ST3GAL3: variants seen among roughly 807,000 people sequenced by gnomAD.
ST3GAL3 encodes the protein ST3 beta-galactoside alpha-2,3-sialyltransferase 3.
In ST3GAL3, 21 loss-of-function variants were observed where a neutral mutation model predicts 50.1. The observed-to-expected ratio is 0.42, with a 90% CI of 0.30 to 0.60. The LOEUF is 0.60. Among genes scored for constraint, ST3GAL3 ranks in the 20% least tolerant of loss-of-function variants. The pLI, the probability that ST3GAL3 is intolerant of heterozygous loss-of-function variation, is 0.19. For synonymous variants in ST3GAL3, 183 were observed against 190.0 expected (o/e 0.96, Z 0.30); for missense variants, 353 against 489.4 (o/e 0.72, Z 2.63).
intron 5 of ST3GAL3, among the ~76,000 whole-genome samples, chr1:43,866,358 C>G (rs2071323377): frequency 6.6e-6 from 1 of 152,096 alleles, no homozygotes; most frequent in Non-Finnish European, 1.5e-5. Flanking sequence ...AGGCCGATCA[C>G]TTGAGCCCTG....
intron 5 of ST3GAL3, among the ~76,000 whole-genome samples, chr1:43,888,619 A>C (rs1295481656): frequency 1.3e-5 from 2 of 152,248 alleles, no homozygotes; most frequent in African/African-American, 2.4e-5. Context: ...AGATACGAAT[A>C]AAGTTTATAG....
intron 9 of ST3GAL3, among the ~76,000 whole-genome samples, chr1:43,908,162 A>G (rs2080137450): frequency 1.3e-5 from 2 of 152,300 alleles, no homozygotes; most frequent in South Asian, 4.1e-4. Flanking sequence ...TTTGCCTTCC[A>G]TATTCGACTC....
chr1:43,804,331 C>T (rs2059641470), intron 3 of ST3GAL3, among the ~76,000 whole-genome samples: 1 of 152,182 alleles, frequency 6.6e-6, no homozygotes, highest in Non-Finnish European at 1.5e-5. Context: ...ATGCCTATGC[C>T]TTCCTGATTG....
Position 43,821,348 on chromosome 1 carries a change from G to A in ST3GAL3, c.209+6415G>A, listed in dbSNP as rs537723937. On this transcript the variant is annotated intron_variant, in intron 4 of 11. Coordinates refer to ENST00000347631, the MANE Select transcript of ST3GAL3 (RefSeq NM_006279.5). ...AACCAGGGATCCCAAGGTCCATGAA[G>A]TATAGATGAAAGAGCAGCCTCCTTT... 2.0e-5 allele frequency among the ~76,000 whole-genome samples: 3 copies of A among 152,260 alleles called. No homozygotes were observed. In the South Asian group the frequency reaches 6.2e-4, roughly 32 times the overall value.
intron 11 of ST3GAL3, among the ~76,000 whole-genome samples, chr1:43,929,307 A>AT (rs1239788201): frequency 1.1e-3 from 44 of 41,552 alleles, no homozygotes; most frequent in South Asian, 3.9e-3. Flanking sequence ...AGTTTTAATT[A>AT]TTATTTTTTT....
At chr1:43,784,055 T>G (rs2056954424) in intron 2 of ST3GAL3, among the ~76,000 whole-genome samples, 1 of 152,166 alleles carries the variant, frequency 6.6e-6, no homozygotes, top group Non-Finnish European at 1.5e-5. Flanking sequence ...TGATTTTACC[T>G]TCCTGAAACC....
intron 11 of ST3GAL3, among the ~76,000 whole-genome samples, chr1:43,924,056 A>G (rs188549768): frequency 5.0e-4 from 76 of 152,232 alleles, no homozygotes; most frequent in Non-Finnish European, 2.1e-4. Context: ...GGACATAAAC[A>G]TTCAGTCTAC....
At chr1:43,930,081 C>A in intron 11 of ST3GAL3, 51 bp from the exon 12 acceptor site, 1 of 1,521,698 alleles carries the variant, frequency 6.6e-7, no homozygotes, top group Non-Finnish European at 9.1e-7. Context: ...CTGGAAGGGG[C>A]AGTAAAGGTT....
intron 2 of ST3GAL3, among the ~76,000 whole-genome samples, chr1:43,770,503 A>G (rs1477170339): frequency 2.0e-5 from 3 of 152,174 alleles, no homozygotes; most frequent in Non-Finnish European, 4.4e-5. Context: ...TAAAGGAGAA[A>G]AAGAAGCAAG....
At chr1:43,770,228 AGGGG>A (rs1694566160) in intron 2 of ST3GAL3, among the ~76,000 whole-genome samples, 1 of 54,368 alleles carries the variant, frequency 1.8e-5, no homozygotes. Context: ...AGGAGAGGGG[AGGGG>A]AGGAGAGGAG....
At chr1:43,742,629 A>G (rs1044774223) in intron 2 of ST3GAL3, among the ~76,000 whole-genome samples, 3 of 152,246 alleles carry the variant, frequency 2.0e-5, no homozygotes, top group African/African-American at 2.4e-5. Context: ...TATGGATAAG[A>G]TGGCCTCAGT....
At chr1:43,894,150 C>T (rs974771123) in intron 5 of ST3GAL3, 52 of 555,714 alleles carry the variant, frequency 9.4e-5, no homozygotes, top group Middle Eastern at 1.0e-3. Context: ...TCCACTCCTA[C>T]AGCTAGCCAA....
chr1:43,911,780 T>A (rs2080983245), intron 9 of ST3GAL3: 1 of 151,786 alleles, frequency 6.6e-6, no homozygotes, highest in Non-Finnish European at 1.5e-5. Context: ...CTCTGCCTTC[T>A]GGGGCCCTGC....
chr1:43,713,039 TCA>T (rs1665568236), intron 1 of ST3GAL3, among the ~76,000 whole-genome samples: 1 of 152,202 alleles, frequency 6.6e-6, no homozygotes, highest in Non-Finnish European at 1.5e-5. Context: ...GCTATTTCCC[TCA>T]CATGGGGAGT....
chr1:43,817,542 CCTT>C (rs1298668952), intron 4 of ST3GAL3, among the ~76,000 whole-genome samples: 4 of 110,292 alleles, frequency 3.6e-5, no homozygotes, highest in Admixed American at 9.1e-5. Context: ...TTCTCCTTCT[CCTT>C]CTTCTTCTTC....
At chr1:43,867,532 G>C (rs2071628032) in intron 5 of ST3GAL3, among the ~76,000 whole-genome samples, 1 of 152,180 alleles carries the variant, frequency 6.6e-6, no homozygotes, top group South Asian at 2.1e-4. Flanking sequence ...GAGTTAAAGT[G>C]GGAGTTATCA....
chr1:43,776,224 ACCCGTAT>A (rs781159417), intron 2 of ST3GAL3, among the ~76,000 whole-genome samples: 2 of 151,990 alleles, frequency 1.3e-5, no homozygotes, highest in African/African-American at 2.4e-5. Context: ...TCCCTCAGTC[ACCCGTAT>A]CCCTAGGGCA....
chr1:43,829,828 C>G (rs2063294052), intron 4 of ST3GAL3, among the ~76,000 whole-genome samples: 1 of 151,896 alleles, frequency 6.6e-6, no homozygotes, highest in Non-Finnish European at 1.5e-5. Flanking sequence ...CTTTTATTTA[C>G]TTACCTATTT....
At chr1:43,928,009 A>G (rs2084318028) in intron 11 of ST3GAL3, among the ~76,000 whole-genome samples, 1 of 152,176 alleles carries the variant, frequency 6.6e-6, no homozygotes, top group Non-Finnish European at 1.5e-5. Context: ...GAAGAGGAAT[A>G]TTGGGAATTT....
Sources: allele counts gnomAD v4.1 joint callset (sites outside exome capture counted in the v4.1 genomes callset), GRCh38; gene constraint gnomAD v4.1.1; transcripts MANE v1.5; gene names NCBI Gene and HGNC (gene_info 2026-07-23, HGNC 2026-07-21).